SUCLG2: variants seen among roughly 807,000 people sequenced by gnomAD.
SUCLG2 encodes the protein succinate-CoA ligase GDP-forming subunit beta.
A neutral mutation model predicts 47.9 loss-of-function variants in SUCLG2; 42 were observed. The observed-to-expected ratio is 0.88, with a 90% CI of 0.69 to 1.14. The LOEUF is 1.14. Among genes scored for constraint, SUCLG2 ranks in the 50% most tolerant of loss-of-function variants. SUCLG2 has a pLI of 0.00. For synonymous variants in SUCLG2, 195 were observed against 197.3 expected (o/e 0.99, Z 0.10); for missense variants, 571 against 525.9 (o/e 1.09, Z -0.84).
chr3:67,546,576 A>T (rs2634721), intron 2 of SUCLG2, among the ~76,000 whole-genome samples: 18,721 of 152,182 alleles, frequency 0.12, 1,723 homozygotes, highest in East Asian at 0.43. Context: ...CTCTACTAAA[A>T]ATACAAAAAT....
chr3:67,598,015 CTG>C (rs1175770386), intron 2 of SUCLG2, among the ~76,000 whole-genome samples: 1 of 151,870 alleles, frequency 6.6e-6, no homozygotes. Flanking sequence ...GAGTCTTGTT[CTG>C]TTGCCCAGGG....
chr3:67,449,950 A>C (rs1195794915), intron 9 of SUCLG2, among the ~76,000 whole-genome samples: 1 of 152,206 alleles, frequency 6.6e-6, no homozygotes, highest in African/African-American at 2.4e-5. Flanking sequence ...ATTATTTGAA[A>C]AGAGAACAGT....
At chr3:67,381,561 T>C (rs1702158634) in intron 10 of SUCLG2, among the ~76,000 whole-genome samples, 1 of 152,214 alleles carries the variant, frequency 6.6e-6, no homozygotes, top group Non-Finnish European at 1.5e-5. Context: ...CATGTTCTAA[T>C]ATTTATTAAA....
At chr3:67,540,410 T>C (rs550256050) in intron 2 of SUCLG2, among the ~76,000 whole-genome samples, 64 of 152,172 alleles carry the variant, frequency 4.2e-4, no homozygotes, top group African/African-American at 1.5e-3. Context: ...TTTCCCCTAG[T>C]AGTATAAACA....
At chr3:67,530,809 G>A (rs1176779304) in intron 2 of SUCLG2, among the ~76,000 whole-genome samples, 1 of 152,186 alleles carries the variant, frequency 6.6e-6, no homozygotes, top group African/African-American at 2.4e-5. Flanking sequence ...GTCAAGCCCT[G>A]TCTTATAATA....
intron 1 of SUCLG2, among the ~76,000 whole-genome samples, chr3:67,639,520 C>T (rs912355697): frequency 7.1e-6 from 1 of 140,748 alleles, no homozygotes; most frequent in South Asian, 2.1e-4. Flanking sequence ...ACTGTGCACT[C>T]TTACTCCCAA....
At chr3:67,573,537 G>C (rs1355622663) in intron 2 of SUCLG2, among the ~76,000 whole-genome samples, 1 of 152,176 alleles carries the variant, frequency 6.6e-6, no homozygotes, top group East Asian at 1.9e-4. Flanking sequence ...CTGTAGGTCA[G>C]AAACTCAACA....
downstream of SUCLG2, among the ~76,000 whole-genome samples, chr3:67,373,332 T>C (rs1196711416): frequency 6.6e-6 from 1 of 152,030 alleles, no homozygotes; most frequent in East Asian, 1.9e-4. Context: ...AGAATTGTAA[T>C]TTAATTCTTG....
intron 7 of SUCLG2, among the ~76,000 whole-genome samples, chr3:67,501,028 A>G (rs1262134639): frequency 6.6e-6 from 1 of 152,180 alleles, no homozygotes; most frequent in Non-Finnish European, 1.5e-5. Flanking sequence ...CCAGGGAACA[A>G]TCTTGACAGA....
rs1158296345 is a variant in SUCLG2, at chr3:67,375,068, T to C, written c.*676A>G. The C allele has an allele frequency of 3.0e-6, 3 of 985,596 alleles. No homozygotes were observed. Among genetic ancestry groups the C allele is most frequent in the African/African-American group, 3.5e-5 (2 of 57,200 alleles). The allele number at this position is 985,596 out of a possible 1,614,324, so 61.1% of individuals were successfully genotyped here. A position where few individuals can be genotyped will look rare whatever the true frequency, so the allele number is the denominator to read the frequency against. ...CCAAAATCACAAATAAGGCTTCTGGTTTTCTTTTTAGTGTGAGGTAAACAG... is the reference window on the plus strand; with the variant it reads ...CCAAAATCACAAATAAGGCTTCTGGCTTTCTTTTTAGTGTGAGGTAAACAG... On this transcript the variant is annotated 3_prime_UTR_variant, in exon 11 of 11. Coordinates refer to ENST00000307227, the MANE Select transcript of SUCLG2 (RefSeq NM_003848.4).
At chr3:67,480,746 ACAATGGCAGGGATG>A (rs1704891301) in intron 9 of SUCLG2, among the ~76,000 whole-genome samples, 1 of 152,222 alleles carries the variant, frequency 6.6e-6, no homozygotes, top group Admixed American at 6.5e-5. Context: ...AAAGTAACCT[ACAATGGCAGGGATG>A]CAGTAAAGCA....
chr3:67,431,212 C>G (rs1220818692), intron 9 of SUCLG2, among the ~76,000 whole-genome samples: 1 of 152,104 alleles, frequency 6.6e-6, no homozygotes, highest in African/African-American at 2.4e-5. Flanking sequence ...CAATAAAATA[C>G]TGGCAAACTG....
chr3:67,498,326 A>G (rs1202305200), intron 7 of SUCLG2, 31 bp from the exon 8 acceptor site: 5 of 1,608,140 alleles, frequency 3.1e-6, no homozygotes, highest in African/African-American at 2.7e-5. Context: ...TCATACTTGA[A>G]TATCTCTTGA....
intron 7 of SUCLG2, among the ~76,000 whole-genome samples, chr3:67,499,594 T>G (rs1705442522): frequency 6.6e-6 from 1 of 152,200 alleles, no homozygotes; most frequent in South Asian, 2.1e-4. Context: ...ATACATACAA[T>G]CAGGGAGAGA....
At chr3:67,495,736 T>C (rs1705318379) in intron 9 of SUCLG2, 62 bp downstream of exon 9, 8 of 1,593,644 alleles carry the variant, frequency 5.0e-6, no homozygotes, top group African/African-American at 1.3e-5. Flanking sequence ...GAAGAACAAG[T>C]GAGCTCTTGA....
At chr3:67,537,023 C>T (rs1201959779) in intron 2 of SUCLG2, among the ~76,000 whole-genome samples, 1 of 146,984 alleles carries the variant, frequency 6.8e-6, no homozygotes, top group Non-Finnish European at 1.6e-5. Flanking sequence ...ACCATATGTA[C>T]AGTCATTAAC....
chr3:67,534,456 A>G (rs1457815896), intron 2 of SUCLG2, among the ~76,000 whole-genome samples: 1 of 151,998 alleles, frequency 6.6e-6, no homozygotes. Context: ...TATATTTATT[A>G]CTATATTATG....
chr3:67,600,462 T>C (rs934161009), intron 2 of SUCLG2, among the ~76,000 whole-genome samples: 1 of 152,220 alleles, frequency 6.6e-6, no homozygotes, highest in African/African-American at 2.4e-5. Flanking sequence ...TATTTTATAG[T>C]CAAGTAAATT....
chr3:67,607,626 A>T (rs1320925234), intron 2 of SUCLG2, among the ~76,000 whole-genome samples: 1 of 152,124 alleles, frequency 6.6e-6, no homozygotes, highest in Non-Finnish European at 1.5e-5. Context: ...AATGAGCTAG[A>T]TGTTCTACCA....
Sources: allele counts gnomAD v4.1 joint callset (sites outside exome capture counted in the v4.1 genomes callset), GRCh38; gene constraint gnomAD v4.1.1; transcripts MANE v1.5; gene names NCBI Gene and HGNC (gene_info 2026-07-23, HGNC 2026-07-21).